The following PXDNL variants were observed in gnomAD, a reference collection of about 807,000 sequenced individuals.
The protein encoded by PXDNL is probable oxidoreductase PXDNL.
Under a neutral mutation model 150.8 loss-of-function variants are expected in PXDNL, and 145 were observed. That is an observed-to-expected ratio of 0.96 (90% CI 0.84 to 1.10). The LOEUF is 1.10. PXDNL is among the 50% of genes least tolerant of loss of function. PXDNL has a pLI of 0.00. For missense variants in PXDNL, 2,087 were observed against 1,873.9 expected (o/e 1.11, Z -2.10); for synonymous variants, 757 against 725.7 (o/e 1.04, Z -0.69).
intron 4 of PXDNL, among the ~76,000 whole-genome samples, chr8:51,545,956 C>T (rs370217311): frequency 1.3e-5 from 2 of 150,196 alleles, no homozygotes; most frequent in Admixed American, 6.6e-5. Context: ...TCTAAAGTCT[C>T]ATTTAAATCA....
At chr8:51,613,484 C>CA (rs571233482) in intron 2 of PXDNL, among the ~76,000 whole-genome samples, 4 of 34,332 alleles carry the variant, frequency 1.2e-4, no homozygotes, top group South Asian at 1.2e-3. Context: ...CTTAAGGGGG[C>CA]GGGGGGGGGG....
chr8:51,350,829 A>C (rs1480516000), intron 19 of PXDNL, among the ~76,000 whole-genome samples: 1 of 152,124 alleles, frequency 6.6e-6, no homozygotes. Context: ...AGAAGAAATG[A>C]TTTGGGGCTG....
chr8:51,328,948 G>A (rs1805597818), intron 21 of PXDNL, among the ~76,000 whole-genome samples: 1 of 152,086 alleles, frequency 6.6e-6, no homozygotes, highest in Non-Finnish European at 1.5e-5. Flanking sequence ...AAACAAACTG[G>A]GAAAAGGGAT....
intron 4 of PXDNL, among the ~76,000 whole-genome samples, chr8:51,520,414 G>C (rs1340430477): frequency 6.6e-6 from 1 of 152,072 alleles, no homozygotes; most frequent in Non-Finnish European, 1.5e-5. Context: ...AAGTGACTGG[G>C]GCCAATCACT....
In PXDNL at chr8:51,600,233, G is replaced by A. The variant is rs1037331671; in HGVS notation, c.237-7535C>T. On this transcript the variant is annotated intron_variant, in intron 2 of 22. Coordinates refer to ENST00000356297, the MANE Select transcript of PXDNL (RefSeq NM_144651.5). ...AATTATATCTCATATAAATTATATCGTTTAGATAATAAATTATATCTCATA... is the reference window on the plus strand; with the variant it reads ...AATTATATCTCATATAAATTATATCATTTAGATAATAAATTATATCTCATA... Among the ~76,000 whole-genome samples, 52 of 134,968 alleles carry A rather than the reference G, an allele frequency of 3.9e-4. 3 individuals are homozygous for A. The highest frequency in any genetic ancestry group is 1.3e-3 in the Admixed American group (17 of 13,036). 88.5% of individuals were successfully genotyped at this position (134,968 alleles called of 152,430 possible).
At chr8:51,468,248 T>C (rs1810246747) in intron 8 of PXDNL, among the ~76,000 whole-genome samples, 3 of 152,120 alleles carry the variant, frequency 2.0e-5, no homozygotes, top group Admixed American at 2.0e-4. Context: ...CTTGCTATAA[T>C]TGGATTTCCG....
At chr8:51,393,060 C>A (rs75165407) in intron 17 of PXDNL, among the ~76,000 whole-genome samples, 3,313 of 152,258 alleles carry the variant, frequency 0.022, 144 homozygotes, top group African/African-American at 0.074. Context: ...CCTGTGTTTT[C>A]ATTCTGAAGT....
chr8:51,471,406 C>A (rs1416817901), intron 8 of PXDNL, among the ~76,000 whole-genome samples: 12 of 152,080 alleles, frequency 7.9e-5, no homozygotes, highest in Admixed American at 7.9e-4. Flanking sequence ...CAAACAGTAC[C>A]ATGGGCATAA....
intron 4 of PXDNL, among the ~76,000 whole-genome samples, chr8:51,504,959 A>G (rs549796951): frequency 9.8e-5 from 15 of 152,350 alleles, no homozygotes; most frequent in African/African-American, 3.6e-4. Flanking sequence ...CATCCCAAAC[A>G]TTTACACAAG....
chr8:51,395,717 A>C (rs954733838), intron 17 of PXDNL, among the ~76,000 whole-genome samples: 2 of 152,228 alleles, frequency 1.3e-5, no homozygotes, highest in Admixed American at 6.5e-5. Flanking sequence ...GACACTGAGA[A>C]GAGATACATA....
At chr8:51,407,967 A>G in intron 17 of PXDNL, 100 bp downstream of exon 17, 1 of 954,600 alleles carries the variant, frequency 1.0e-6, no homozygotes, top group Non-Finnish European at 1.5e-6. Flanking sequence ...AAAGCTCTGC[A>G]GCACCCCCAG....
intron 6 of PXDNL, 84 bp downstream of exon 6, chr8:51,483,556 CAGG>C (rs1188881525): frequency 1.2e-6 from 1 of 807,370 alleles, no homozygotes; most frequent in African/African-American, 1.8e-5. Context: ...ACAGGAAAAG[CAGG>C]AGAAGGCAAC....
At position 51,580,710 on chromosome 8, in the gene PXDNL, C is replaced by T. The variant is rs116943596; in HGVS notation, c.308+11917G>A. On this transcript the variant is annotated intron_variant, in intron 3 of 22. Coordinates refer to ENST00000356297, the MANE Select transcript of PXDNL (RefSeq NM_144651.5). Reference sequence around the variant, plus strand: ...AAGTAGCTAAAAAATTCCTTGATACCAAGTAGCTTATCACTTTGTAGAATA... The same window carrying T: ...AAGTAGCTAAAAAATTCCTTGATACTAAGTAGCTTATCACTTTGTAGAATA... Among the ~76,000 whole-genome samples the T allele has an allele frequency of 6.4e-3, 971 of 152,132 alleles. 4 individuals carry two copies. Among genetic ancestry groups the T allele is most frequent in the Non-Finnish European group, 8.7e-3 (592 of 67,988 alleles).
At chr8:51,760,485 C>A (rs1283076757) in intron 1 of PXDNL, among the ~76,000 whole-genome samples, 1 of 152,192 alleles carries the variant, frequency 6.6e-6, no homozygotes, top group South Asian at 2.1e-4. Flanking sequence ...AACATGTACA[C>A]TGACTTACTC....
chr8:51,377,852 G>A (rs1159363318), intron 17 of PXDNL, among the ~76,000 whole-genome samples: 1 of 152,188 alleles, frequency 6.6e-6, no homozygotes, highest in Non-Finnish European at 1.5e-5. Context: ...GCCACTGCCT[G>A]CTCCTGCTCC....
intron 4 of PXDNL, among the ~76,000 whole-genome samples, chr8:51,511,879 T>C (rs1811428414): frequency 6.6e-6 from 1 of 152,198 alleles, no homozygotes; most frequent in Admixed American, 6.5e-5. Context: ...CCTTCCCCAG[T>C]ATACTGTATC....
chr8:51,609,071 A>G (rs1413168205), intron 2 of PXDNL, among the ~76,000 whole-genome samples: 1 of 152,136 alleles, frequency 6.6e-6, no homozygotes, highest in Non-Finnish European at 1.5e-5. Flanking sequence ...GGCATCTTTA[A>G]GGATTTACAG....
intron 1 of PXDNL, among the ~76,000 whole-genome samples, chr8:51,711,293 A>G (rs1816492395): frequency 6.6e-6 from 1 of 152,142 alleles, no homozygotes; most frequent in African/African-American, 2.4e-5. Context: ...ACACACCACT[A>G]TGCCTGGCTA....
In PXDNL at chr8:51,530,858, T is replaced by G. The variant is rs373147158; in HGVS notation, c.380+25982A>C. 5.7e-4 allele frequency among the ~76,000 whole-genome samples: 86 copies of G among 152,178 alleles called. 2 individuals are homozygous for G. The South Asian group carries it at 0.018, about 31-fold the overall frequency. ...GCACATATTAATGTGTTCCTTTATT[T>G]CTCTCTCCTTCCTAAAAAGGAAGAA... is the stretch of plus-strand genomic sequence containing the variant. On this transcript the variant is annotated intron_variant, in intron 4 of 22. Transcript: ENST00000356297.
Sources: allele counts gnomAD v4.1 joint callset (sites outside exome capture counted in the v4.1 genomes callset), GRCh38; gene constraint gnomAD v4.1.1; transcripts MANE v1.5; gene names NCBI Gene and HGNC (gene_info 2026-07-23, HGNC 2026-07-21).